Variants in SYT14 observed in about 807,000 individuals in gnomAD.
The protein encoded by SYT14 is synaptotagmin 14.
SYT14 carries 32 observed loss-of-function variants against 74.2 expected under a neutral mutation model. The ratio of observed to expected loss-of-function variants is 0.43; its 90% CI spans 0.33 to 0.58. The LOEUF (loss-of-function observed/expected upper bound fraction) is 0.58. SYT14 is among the 20% of genes least tolerant of loss of function. SYT14 has a pLI of 0.05. For synonymous variants in SYT14, 298 were observed against 337.7 expected (o/e 0.88, Z 1.29); for missense variants, 791 against 981.8 (o/e 0.81, Z 2.60).
chr1:210,083,730 T>C (rs1306711203), intron 5 of SYT14, among the ~76,000 whole-genome samples: 2 of 152,190 alleles, frequency 1.3e-5, no homozygotes, highest in East Asian at 3.9e-4. Flanking sequence ...TCACCACCCC[T>C]GGCTAATTTT....
intron 1 of SYT14, among the ~76,000 whole-genome samples, chr1:209,949,799 CA>C (rs1418854320): frequency 6.6e-6 from 1 of 152,032 alleles, no homozygotes. Context: ...ATTTGGGGGA[CA>C]AATACCAAGA....
intron 1 of SYT14, among the ~76,000 whole-genome samples, chr1:209,941,122 T>A (rs1202285454): frequency 2.6e-5 from 4 of 152,202 alleles, no homozygotes; most frequent in Non-Finnish European, 5.9e-5. Flanking sequence ...TCTAGACTTT[T>A]AAGTACTAAG....
chr1:210,012,773 C>T (rs1393482960), intron 2 of SYT14, among the ~76,000 whole-genome samples: 1 of 151,352 alleles, frequency 6.6e-6, no homozygotes, highest in Admixed American at 6.6e-5. Context: ...GCGATCTCGG[C>T]TCACTGCAAC....
At chr1:210,049,624 C>T (rs2080953678) in intron 5 of SYT14, among the ~76,000 whole-genome samples, 1 of 152,090 alleles carries the variant, frequency 6.6e-6, no homozygotes, top group African/African-American at 2.4e-5. Context: ...TGATGTTCCC[C>T]TCCCTGTGCC....
intron 5 of SYT14, among the ~76,000 whole-genome samples, chr1:210,063,804 C>T (rs75201318): frequency 8.7e-6 from 1 of 115,048 alleles, no homozygotes; most frequent in Admixed American, 7.5e-5. Context: ...CCATGATTCA[C>T]ATTCTTCCAT....
At chr1:209,999,065 C>T (rs2079847502) in intron 2 of SYT14, among the ~76,000 whole-genome samples, 1 of 151,962 alleles carries the variant, frequency 6.6e-6, no homozygotes, top group Non-Finnish European at 1.5e-5. Flanking sequence ...AACTTATTTG[C>T]AGAATTTACA....
At chr1:209,977,680 AG>A (rs1335192549) in intron 2 of SYT14, among the ~76,000 whole-genome samples, 1 of 152,084 alleles carries the variant, frequency 6.6e-6, no homozygotes, top group Admixed American at 6.6e-5. Flanking sequence ...GACAATTATG[AG>A]TCTTGGAGTT....
chr1:209,962,745 T>C (rs2079096023), intron 2 of SYT14, among the ~76,000 whole-genome samples: 1 of 152,122 alleles, frequency 6.6e-6, no homozygotes, highest in Non-Finnish European at 1.5e-5. Flanking sequence ...GGAAAGATTA[T>C]ATTATGGAGG....
intron 2 of SYT14, 118 bp downstream of exon 2, chr1:209,952,874 T>G (rs1209963483): frequency 8.8e-7 from 1 of 1,141,998 alleles, no homozygotes; most frequent in African/African-American, 1.5e-5. Flanking sequence ...TTAGTAAATA[T>G]TAACATTTGT....
At chr1:210,046,704 A>G (rs2080891785) in intron 5 of SYT14, among the ~76,000 whole-genome samples, 1 of 152,086 alleles carries the variant, frequency 6.6e-6, no homozygotes, top group African/African-American at 2.4e-5. Context: ...TTTCCTTTTT[A>G]TTACTGAATG....
chr1:210,018,655 G>GC (rs2080237637), intron 4 of SYT14, among the ~76,000 whole-genome samples: 1 of 152,180 alleles, frequency 6.6e-6, no homozygotes, highest in Non-Finnish European at 1.5e-5. Flanking sequence ...TAAGAAGCAT[G>GC]CTAGTACCTA....
At chr1:209,961,541 T>C (rs1463486376) in intron 2 of SYT14, among the ~76,000 whole-genome samples, 3 of 152,154 alleles carry the variant, frequency 2.0e-5, no homozygotes, top group Admixed American at 6.5e-5. Flanking sequence ...TCCCCCTCTG[T>C]AAAATGGTGA....
At chr1:210,144,696 TA>T (rs2082993912) in intron 7 of SYT14, among the ~76,000 whole-genome samples, 1 of 152,090 alleles carries the variant, frequency 6.6e-6, no homozygotes. Context: ...GTTATATTAA[TA>T]ATTTAATTTA....
chr1:210,092,947 C>T (rs1248615467), intron 5 of SYT14, among the ~76,000 whole-genome samples: 1 of 152,042 alleles, frequency 6.6e-6, no homozygotes, highest in Non-Finnish European at 1.5e-5. Context: ...GGAGGATGTA[C>T]TTAGGTTATA....
intron 7 of SYT14, among the ~76,000 whole-genome samples, chr1:210,145,733 C>T (rs200931940): frequency 3.3e-5 from 5 of 152,160 alleles, no homozygotes; most frequent in South Asian, 4.1e-4. Context: ...ATTTACCAAA[C>T]GTGATACCCA....
chr1:210,125,836 G>A (rs541826796), intron 7 of SYT14, among the ~76,000 whole-genome samples: 3 of 152,194 alleles, frequency 2.0e-5, no homozygotes, highest in African/African-American at 7.2e-5. Flanking sequence ...TCATAACCAG[G>A]GTTTGATTCT....
intron 5 of SYT14, among the ~76,000 whole-genome samples, chr1:210,078,195 AGCTACTC>A (rs1475006109): frequency 4.0e-5 from 6 of 150,742 alleles, no homozygotes; most frequent in Non-Finnish European, 8.9e-5. Flanking sequence ...CTGTAGTCCC[AGCTACTC>A]GGGAGGCTGA....
At chr1:209,987,919 T>C (rs1212322001) in intron 2 of SYT14, among the ~76,000 whole-genome samples, 1 of 152,226 alleles carries the variant, frequency 6.6e-6, no homozygotes, top group Non-Finnish European at 1.5e-5. Context: ...TCCATTTGAA[T>C]ATAATGTTCC....
intron 2 of SYT14, among the ~76,000 whole-genome samples, chr1:209,986,433 G>T (rs1252646023): frequency 3.3e-5 from 5 of 151,950 alleles, no homozygotes; most frequent in Non-Finnish European, 2.9e-5. Flanking sequence ...CTGAAACCCT[G>T]CCTCTACTAA....
Sources: allele counts gnomAD v4.1 joint callset (sites outside exome capture counted in the v4.1 genomes callset), GRCh38; gene constraint gnomAD v4.1.1; transcripts MANE v1.5; gene names NCBI Gene and HGNC (gene_info 2026-07-23, HGNC 2026-07-21).